RBM27: variants seen among roughly 807,000 people sequenced by gnomAD.
RBM27 encodes the protein RNA binding motif protein 27.
Under a neutral mutation model 135.3 loss-of-function variants are expected in RBM27, and 22 were observed. That is an observed-to-expected ratio of 0.16 (90% CI 0.12 to 0.23). RBM27 has a LOEUF of 0.23. Ranked by LOEUF, RBM27 falls within the 10% of genes least tolerant of loss-of-function variation. RBM27 has a pLI of 1.00. For synonymous variants in RBM27, 481 were observed against 442.4 expected (o/e 1.09, Z -1.10); for missense variants, 1,009 against 1,281.0 (o/e 0.79, Z 3.24).
chr5:146,259,303 G>A (rs143051374), intron 11 of RBM27, among the ~76,000 whole-genome samples: 5,745 of 151,462 alleles, frequency 0.038, 165 homozygotes, highest in Non-Finnish European at 0.055. Context: ...ATCACTTGAG[G>A]TCAGGAGTTC....
intron 2 of RBM27, among the ~76,000 whole-genome samples, chr5:146,221,609 T>C (rs1581151370): frequency 6.6e-6 from 1 of 152,282 alleles, no homozygotes; most frequent in South Asian, 2.1e-4. Flanking sequence ...AATTTTTGTA[T>C]TTTTAGTAGA....
intron 1 of RBM27, among the ~76,000 whole-genome samples, chr5:146,216,355 A>T (rs1489346784): frequency 1.3e-5 from 2 of 152,192 alleles, no homozygotes; most frequent in African/African-American, 4.8e-5. Flanking sequence ...AAGGCTACAT[A>T]TTCACTATTT....
At position 146,203,745 on chromosome 5, in the gene RBM27, C is replaced by G. The variant is rs778482780; in HGVS notation, c.-21C>G. 6.5e-7 allele frequency: 1 copy of G among 1,549,042 alleles called. No homozygotes were observed. The highest frequency in any genetic ancestry group is 8.7e-7 in the Non-Finnish European group (1 of 1,145,748). On this transcript the variant is annotated 5_prime_UTR_variant, in exon 1 of 21. Coordinates refer to ENST00000265271, the MANE Select transcript of RBM27 (RefSeq NM_018989.2). ...GGCAGGCCTGAAGAAGAGCGGCGGC[C>G]GAGCCCGCCTTCCCTGCACCATGCT...
At chr5:146,260,564 G>C (rs1397867526) in intron 11 of RBM27, among the ~76,000 whole-genome samples, 181 bp from the exon 12 acceptor site, 2 of 152,068 alleles carry the variant, frequency 1.3e-5, no homozygotes, top group African/African-American at 4.8e-5. Flanking sequence ...TCTGTGGTTT[G>C]AATTTTGAAT....
chr5:146,251,547 G>T (rs572245370), intron 8 of RBM27, among the ~76,000 whole-genome samples, 164 bp from the exon 9 acceptor site: 242 of 152,182 alleles, frequency 1.6e-3, no homozygotes, highest in Admixed American at 2.9e-3. Context: ...TTGCACGTCT[G>T]TTCTTTCTTG....
At chr5:146,285,874 G>A in intron 20 of RBM27, 73 bp from the exon 21 acceptor site, 1 of 1,142,276 alleles carries the variant, frequency 8.8e-7, no homozygotes, top group Non-Finnish European at 1.3e-6. Flanking sequence ...TAGCCTGTTT[G>A]TCCTTTGGCC....
chr5:146,240,725 G>C (rs1028981462), intron 8 of RBM27, among the ~76,000 whole-genome samples: 11 of 152,014 alleles, frequency 7.2e-5, no homozygotes, highest in African/African-American at 2.7e-4. Context: ...TTTAATATAT[G>C]TAAATCTTAC....
In RBM27 at chr5:146,270,944, T is replaced by A. The variant is rs1213852087; in HGVS notation, c.2692-10T>A. The A allele has an allele frequency of 6.3e-7, 1 of 1,585,350 alleles. No individual in the cohort carries two copies. Among genetic ancestry groups the A allele is most frequent in the Non-Finnish European group, 8.6e-7 (1 of 1,159,972 alleles). On this transcript the variant is annotated splice_polypyrimidine_tract_variant and intron_variant, in intron 17 of 20. Coordinates refer to ENST00000265271, the MANE Select transcript of RBM27 (RefSeq NM_018989.2). ...TAAAAAATACCTTTTTATTTTCAAT[T>A]TTTCCAAAGGCCCAGAAGGAGTTAT...
At chr5:146,214,898 C>T (rs1456251691) in intron 1 of RBM27, among the ~76,000 whole-genome samples, 1 of 152,156 alleles carries the variant, frequency 6.6e-6, no homozygotes, top group Non-Finnish European at 1.5e-5. Context: ...TTCTCTTCTC[C>T]TGGAGTCTAA....
In RBM27 at chr5:146,288,904, CAT is replaced by C. The variant is rs1163850074; in HGVS notation, c.*2875_*2876del. On this transcript the variant is annotated 3_prime_UTR_variant, in exon 21 of 21. Transcript: ENST00000265271. Reference sequence around the variant, plus strand: ...TCATTATTTCAAAAAAGAAAAAAATCATGTGAAAAGGAATAGTGGTTCCTCTT... The same window carrying C: ...TCATTATTTCAAAAAAGAAAAAAATCGTGAAAAGGAATAGTGGTTCCTCTT... 2 of 152,030 alleles carry C rather than the reference CAT, an allele frequency of 1.3e-5. No individual in the cohort carries two copies. The highest frequency in any genetic ancestry group is 2.4e-5 in the African/African-American group (1 of 41,536). The allele number at this position is 152,030 out of a possible 1,614,324, so 9.4% of individuals were successfully genotyped here.
At chr5:146,266,366 A>G (rs538475229) in intron 14 of RBM27, among the ~76,000 whole-genome samples, 2 of 152,368 alleles carry the variant, frequency 1.3e-5, no homozygotes, top group East Asian at 3.9e-4. Flanking sequence ...AGGAGACTAT[A>G]AAGAGATGTA....
intron 3 of RBM27, among the ~76,000 whole-genome samples, chr5:146,226,012 T>C (rs1756658954): frequency 6.9e-6 from 1 of 144,466 alleles, no homozygotes; most frequent in South Asian, 2.2e-4. Flanking sequence ...ATAGGCCCTG[T>C]CACCAAGCCT....
At chr5:146,280,122 G>A (rs1759270361) in intron 19 of RBM27, among the ~76,000 whole-genome samples, 1 of 151,364 alleles carries the variant, frequency 6.6e-6, no homozygotes. Flanking sequence ...GCAGTGGTAC[G>A]ATCTCAGCTC....
intron 9 of RBM27, among the ~76,000 whole-genome samples, chr5:146,252,329 C>G (rs1354391309): frequency 1.3e-5 from 2 of 152,198 alleles, no homozygotes; most frequent in African/African-American, 4.8e-5. Flanking sequence ...CTTAAAAACT[C>G]TTTTCTCCTA....
In RBM27 at chr5:146,230,715, G is replaced by C; in HGVS notation, c.648G>C (p.Val216=). 1 of 1,613,848 alleles carries C rather than the reference G, an allele frequency of 6.2e-7. No homozygotes were observed. Among genetic ancestry groups the C allele is most frequent in the Non-Finnish European group, 8.5e-7 (1 of 1,179,750 alleles). The change falls in exon 6 of 21, where the codon GTG becomes GTC. Residue 216 remains valine (V), a synonymous_variant. Coordinates refer to ENST00000265271, the MANE Select transcript of RBM27 (RefSeq NM_018989.2). ...SERNDLESSY[V]PVSAPPPNSS... is the part of the protein sequence containing the mutation. ...GGAATGACCTGGAGAGTTCCTATGT[G>C]CCTGTGTCTGCACCACCTCCAAACT...
At chr5:146,214,737 G>A (rs139327241) in intron 1 of RBM27, among the ~76,000 whole-genome samples, 9 of 152,118 alleles carry the variant, frequency 5.9e-5, no homozygotes, top group Admixed American at 3.9e-4. Context: ...TCTTCAGAGC[G>A]TACTTTATGG....
In RBM27 at chr5:146,252,092, A is replaced by G. The variant is rs74831858; in HGVS notation, c.1444+217A>G. 5.9e-3 allele frequency among the ~76,000 whole-genome samples: 905 copies of G among 152,240 alleles called. 8 individuals are homozygous for G. Among genetic ancestry groups the G allele is most frequent in the African/African-American group, 0.021 (852 of 41,534 alleles). On this transcript the variant is annotated intron_variant, in intron 9 of 20. Coordinates refer to ENST00000265271, the MANE Select transcript of RBM27 (RefSeq NM_018989.2). ...ATCTGTCATCTCTGGTGTCCTCTAT[A>G]TTTACTTTCAGTGCCTCGGTAACAA... is the stretch of plus-strand genomic sequence containing the variant.
intron 2 of RBM27, among the ~76,000 whole-genome samples, chr5:146,220,089 G>A (rs1272806246): frequency 6.6e-6 from 1 of 152,058 alleles, no homozygotes. Context: ...TATTTGCCTG[G>A]TTATCTGTCT....
intron 10 of RBM27, among the ~76,000 whole-genome samples, chr5:146,256,294 ATATATATATTATTTATATATATATTTT>A (rs1561552359): frequency 2.0e-5 from 3 of 146,516 alleles, no homozygotes; most frequent in Non-Finnish European, 4.5e-5. Flanking sequence ...TATATATTTT[ATATATATATTATTTATATATATATTTT>A]TATATATATT....
Sources: allele counts gnomAD v4.1 joint callset (sites outside exome capture counted in the v4.1 genomes callset), GRCh38; gene constraint gnomAD v4.1.1; transcripts MANE v1.5; gene names NCBI Gene and HGNC (gene_info 2026-07-23, HGNC 2026-07-21).